The following LRMDA variants were observed in gnomAD, a reference collection of about 807,000 sequenced individuals.
LRMDA encodes leucine rich melanocyte differentiation associated.
A neutral mutation model predicts 29.8 loss-of-function variants in LRMDA; 18 were observed. The ratio of observed to expected loss-of-function variants is 0.60; its 90% CI spans 0.42 to 0.90. The LOEUF is 0.90. Ranked by LOEUF, LRMDA falls within the 40% of genes least tolerant of loss-of-function variation. LRMDA has a pLI of 0.00. For synonymous variants in LRMDA, 125 were observed against 109.4 expected (o/e 1.14, Z -0.89); for missense variants, 273 against 273.9 (o/e 1.00, Z 0.02).
chr10:75,898,666 A>G (rs1386553682), intron 2 of LRMDA, among the ~76,000 whole-genome samples: 1 of 152,150 alleles, frequency 6.6e-6, no homozygotes, highest in East Asian at 1.9e-4. Flanking sequence ...AAAAGAGTCC[A>G]GGTTTTAGAT....
At chr10:76,010,031 T>C (rs938097355) in intron 2 of LRMDA, among the ~76,000 whole-genome samples, 1 of 152,096 alleles carries the variant, frequency 6.6e-6, no homozygotes, top group Non-Finnish European at 1.5e-5. Context: ...TCTTAGCAGC[T>C]CCCCAAATCA....
intron 5 of LRMDA, among the ~76,000 whole-genome samples, chr10:76,321,875 G>A (rs941639564): frequency 3.9e-5 from 6 of 152,134 alleles, no homozygotes; most frequent in African/African-American, 1.4e-4. Context: ...AACCAGGGAG[G>A]CAGCGGTTGC....
At chr10:75,508,020 A>G (rs562893522) in intron 2 of LRMDA, among the ~76,000 whole-genome samples, 1 of 152,324 alleles carries the variant, frequency 6.6e-6, no homozygotes, top group African/African-American at 2.4e-5. Context: ...AAGCATTTTA[A>G]AAACGTATAG....
intron 2 of LRMDA, among the ~76,000 whole-genome samples, chr10:75,774,295 G>T (rs1485790228): frequency 1.3e-5 from 2 of 151,572 alleles, no homozygotes; most frequent in African/African-American, 4.9e-5. Context: ...ATGTCATTTT[G>T]GCTTCAAAGG....
intron 2 of LRMDA, among the ~76,000 whole-genome samples, chr10:76,024,398 C>T (rs1419510811): frequency 6.6e-6 from 1 of 152,194 alleles, no homozygotes; most frequent in Non-Finnish European, 1.5e-5. Context: ...CAAAGCTCAC[C>T]AAATTATTCT....
chr10:75,748,745 A>C (rs1276960120), intron 2 of LRMDA, among the ~76,000 whole-genome samples: 2 of 152,234 alleles, frequency 1.3e-5, no homozygotes, highest in Non-Finnish European at 2.9e-5. Flanking sequence ...CATTATAAAA[A>C]ATAGGACAGA....
intron 2 of LRMDA, among the ~76,000 whole-genome samples, chr10:75,962,304 C>T (rs1294148230): frequency 6.6e-6 from 1 of 152,164 alleles, no homozygotes; most frequent in Non-Finnish European, 1.5e-5. Flanking sequence ...GGGTGTTGGA[C>T]TAGAGCAGTG....
At chr10:75,633,550 G>A (rs1241852817) in intron 2 of LRMDA, among the ~76,000 whole-genome samples, 1 of 152,174 alleles carries the variant, frequency 6.6e-6, no homozygotes, top group African/African-American at 2.4e-5. Flanking sequence ...TCTGTCTTAA[G>A]CCAGGTCCAT....
intron 2 of LRMDA, among the ~76,000 whole-genome samples, chr10:75,949,916 A>G (rs1420025247): frequency 2.6e-5 from 4 of 152,218 alleles, no homozygotes; most frequent in African/African-American, 7.2e-5. Context: ...CAAGGCTGCC[A>G]TGTGCTAGTG....
At chr10:75,915,482 C>T (rs1183045016) in intron 2 of LRMDA, among the ~76,000 whole-genome samples, 2 of 152,126 alleles carry the variant, frequency 1.3e-5, no homozygotes, top group Non-Finnish European at 2.9e-5. Context: ...GAGACAAGGC[C>T]TCCTGCCTCA....
intron 6 of LRMDA, among the ~76,000 whole-genome samples, chr10:76,432,290 C>T (rs556813733): frequency 6.6e-6 from 1 of 152,240 alleles, no homozygotes; most frequent in African/African-American, 2.4e-5. Flanking sequence ...CCACAGAGCC[C>T]TGAGCTGTAG....
intron 2 of LRMDA, among the ~76,000 whole-genome samples, chr10:75,465,496 T>G (rs185182726): frequency 2.2e-4 from 33 of 152,276 alleles, no homozygotes; most frequent in Middle Eastern, 3.4e-3. Context: ...CCTCTCTTGG[T>G]TTTTCATTGC....
At chr10:76,456,846 T>C (rs1842461862) in intron 6 of LRMDA, among the ~76,000 whole-genome samples, 1 of 152,140 alleles carries the variant, frequency 6.6e-6, no homozygotes, top group Non-Finnish European at 1.5e-5. Context: ...CTTCTTCCCT[T>C]CTTTTTTATT....
intron 2 of LRMDA, among the ~76,000 whole-genome samples, chr10:75,752,667 A>G (rs959525093): frequency 1.3e-5 from 2 of 152,222 alleles, no homozygotes; most frequent in African/African-American, 2.4e-5. Context: ...ATGTTAAGCA[A>G]CTGAGCTAGG....
At chr10:75,908,938 C>T (rs1389501786) in intron 2 of LRMDA, among the ~76,000 whole-genome samples, 2 of 152,116 alleles carry the variant, frequency 1.3e-5, no homozygotes, top group African/African-American at 4.8e-5. Context: ...ATGACATAAA[C>T]ATCTATTATG....
At chr10:76,122,229 G>GC (rs1389663713) in intron 5 of LRMDA, among the ~76,000 whole-genome samples, 3 of 152,036 alleles carry the variant, frequency 2.0e-5, no homozygotes, top group African/African-American at 7.2e-5. Flanking sequence ...ATCCCAGGAG[G>GC]CCCAGGGTCA....
intron 6 of LRMDA, among the ~76,000 whole-genome samples, chr10:76,471,278 T>C (rs565057357): frequency 6.6e-6 from 1 of 151,870 alleles, no homozygotes; most frequent in South Asian, 2.1e-4. Context: ...TATTTAAATA[T>C]AATGTGTATA....
rs1018085116 is a variant in LRMDA, at chr10:75,719,726, C to T, written c.131+281232C>T. Among the ~76,000 whole-genome samples the T allele has an allele frequency of 7.2e-5, 11 of 152,080 alleles. 1 individual carries two copies. The highest frequency in any genetic ancestry group is 1.5e-5 in the Non-Finnish European group (1 of 68,018). On this transcript the variant is annotated intron_variant, in intron 2 of 6. Transcript: ENST00000611255. The stretch of plus-strand genomic sequence containing the variant: ...AATGAAGTGTTCCGCCTCCTGTTGC[C>T]GTGGGATGGCCATGGCCTACCCAGT...
chr10:76,248,908 C>T (rs1047538996), intron 5 of LRMDA, among the ~76,000 whole-genome samples: 5 of 152,188 alleles, frequency 3.3e-5, no homozygotes, highest in Non-Finnish European at 7.3e-5. Flanking sequence ...CTATGAAATG[C>T]TAAATGCCTT....
Sources: allele counts gnomAD v4.1 joint callset (sites outside exome capture counted in the v4.1 genomes callset), GRCh38; gene constraint gnomAD v4.1.1; transcripts MANE v1.5; gene names NCBI Gene and HGNC (gene_info 2026-07-23, HGNC 2026-07-21).